Variants in CD200R1 observed in about 807,000 individuals in gnomAD.
CD200R1 encodes cell surface glycoprotein CD200 receptor 1.
CD200R1 carries 30 observed loss-of-function variants against 38.1 expected under a neutral mutation model. The observed-to-expected ratio is 0.79, with a 90% CI of 0.59 to 1.07. The LOEUF (loss-of-function observed/expected upper bound fraction) is 1.07, where lower values mean the gene tolerates loss of function less well. Ranked by LOEUF, CD200R1 falls within the 50% of genes least tolerant of loss-of-function variation. CD200R1 has a pLI of 0.00. For synonymous variants in CD200R1, 128 were observed against 152.1 expected (o/e 0.84, Z 1.16); for missense variants, 372 against 415.4 (o/e 0.90, Z 0.91).
intron 1 of CD200R1, among the ~76,000 whole-genome samples, chr3:112,952,668 G>C (rs1245160212): frequency 6.6e-6 from 1 of 152,086 alleles, no homozygotes; most frequent in East Asian, 1.9e-4. Flanking sequence ...GATAGCATTG[G>C]GAGATATACC....
At chr3:112,950,402 G>GA (rs59937779) in intron 1 of CD200R1, among the ~76,000 whole-genome samples, 11,751 of 83,440 alleles carry the variant, frequency 0.14, 636 homozygotes, top group Middle Eastern at 0.23. Context: ...CTCCGTCAAA[G>GA]AAAAAAAAAA....
In CD200R1 at chr3:112,928,908, G is replaced by A; in HGVS notation, c.677C>T (p.Thr226Ile). The A allele has an allele frequency of 6.2e-7, 1 of 1,613,934 alleles. No individual in the cohort carries two copies. The highest frequency in any genetic ancestry group is 8.5e-7 in the Non-Finnish European group (1 of 1,179,934). Residue 226 changes from threonine to isoleucine, a missense_variant, in exon 5 of 8, where the codon ACA becomes ATA. Physicochemically the swap from Thr to Ile is moderately conservative, Grantham distance 89. Coordinates refer to ENST00000308611, the MANE Select transcript of CD200R1 (RefSeq NM_138806.4). ...CACATTGTGGACCTCCCAGTGGCAT[G>A]TACTCTTAACAGTCACTGTGCCATT... ...WSNGTVTVKS[T>I]CHWEVHNVST...
At chr3:112,965,498 C>CA in intron 1 of CD200R1, among the ~76,000 whole-genome samples, 1 of 152,302 alleles carries the variant, frequency 6.6e-6, no homozygotes, top group East Asian at 1.9e-4. Flanking sequence ...CATGGTGGCT[C>CA]ATGCCTGTAA....
intron 1 of CD200R1, among the ~76,000 whole-genome samples, chr3:112,959,561 T>G (rs1576150458): frequency 1.3e-5 from 2 of 152,130 alleles, no homozygotes; most frequent in South Asian, 4.1e-4. Flanking sequence ...TAAATTTTAA[T>G]GAATTTACTA....
intron 1 of CD200R1, among the ~76,000 whole-genome samples, chr3:112,969,603 A>AG (rs1212390841): frequency 2.0e-5 from 3 of 152,166 alleles, no homozygotes; most frequent in Admixed American, 2.0e-4. Flanking sequence ...GACCCTTTCC[A>AG]GGGGAGCCCA....
intron 2 of CD200R1, 42 bp from the exon 3 acceptor site, chr3:112,931,213 G>C: frequency 7.9e-7 from 1 of 1,261,820 alleles, no homozygotes; most frequent in South Asian, 1.2e-5. Flanking sequence ...TCAATTTTAT[G>C]TACTCAGAGT....
Position 112,974,946 on chromosome 3 carries a change from G to T in CD200R1, c.-89C>A. The T allele has an allele frequency of 9.8e-7, 1 of 1,024,118 alleles. No individual in the cohort carries two copies. The highest frequency in any genetic ancestry group is 1.5e-6 in the Non-Finnish European group (1 of 658,258). 63.4% of individuals were successfully genotyped at this position (1,024,118 alleles called of 1,614,324 possible). A position where few individuals can be genotyped will look rare whatever the true frequency, so the allele number is the denominator to read the frequency against. ...TGTGCGCATGGTGAGACCCTCTCTG[G>T]TCAACTTCTCAGTACAGGATCCTCT... On this transcript the variant is annotated 5_prime_UTR_variant, in exon 1 of 8. Coordinates refer to ENST00000308611, the MANE Select transcript of CD200R1 (RefSeq NM_138806.4).
chr3:112,955,297 G>T (rs116659578), intron 1 of CD200R1, among the ~76,000 whole-genome samples: 1 of 152,090 alleles, frequency 6.6e-6, no homozygotes, highest in Non-Finnish European at 1.5e-5. Context: ...TGAACTTTTC[G>T]CCTGGATGGT....
At chr3:112,969,590 T>A (rs1933252007) in intron 1 of CD200R1, among the ~76,000 whole-genome samples, 1 of 152,184 alleles carries the variant, frequency 6.6e-6, no homozygotes, top group Admixed American at 6.5e-5. Context: ...TAGACCAAAG[T>A]CAGACCCTTT....
chr3:112,952,798 A>G (rs1264491230), intron 1 of CD200R1, among the ~76,000 whole-genome samples: 1 of 152,052 alleles, frequency 6.6e-6, no homozygotes, highest in Non-Finnish European at 1.5e-5. Flanking sequence ...ATAATAATAA[A>G]TAAATAAATA....
Position 112,929,203 on chromosome 3 carries a change from G to A in CD200R1, c.507C>T (p.His169=), listed in dbSNP as rs1347909701. The part of the protein sequence containing the change: ...TPDGNFHRGY[H]LQVLVTPEVT... ...GATGCTCCTTACCTAACACTTGGAG[G>A]TGATATCCACGATGGAAATTCCCAT... Residue 169 remains histidine, a synonymous_variant, in exon 4 of 8, where the codon CAC becomes CAT. Transcript: ENST00000308611. The A allele has an allele frequency of 1.2e-6, 2 of 1,614,182 alleles. No homozygotes were observed. Among genetic ancestry groups the A allele is most frequent in the South Asian group, 1.1e-5 (1 of 91,082 alleles).
intron 3 of CD200R1, among the ~76,000 whole-genome samples, chr3:112,930,680 C>T (rs1940409279): frequency 6.6e-6 from 1 of 152,212 alleles, no homozygotes; most frequent in Non-Finnish European, 1.5e-5. Flanking sequence ...TATAGAGGGG[C>T]AAACCTTTAT....
rs926843639 is a variant in CD200R1, at chr3:112,925,077, G to C, written c.878+8C>G. On this transcript the variant is annotated splice_region_variant and intron_variant, in intron 6 of 7. Coordinates refer to ENST00000308611, the MANE Select transcript of CD200R1 (RefSeq NM_138806.4). ...CTGAAGAAGAAAAAAACATTCATTA[G>C]TCAATACCTGCAGCCATTGACTTTC... The C allele has an allele frequency of 8.0e-6, 12 of 1,495,786 alleles. No individual in the cohort carries two copies. Among genetic ancestry groups the C allele is most frequent in the Non-Finnish European group, 1.1e-5 (12 of 1,074,274 alleles). 92.7% of individuals were successfully genotyped at this position (1,495,786 alleles called of 1,614,324 possible).
At chr3:112,957,745 A>C (rs1000924026) in intron 1 of CD200R1, among the ~76,000 whole-genome samples, 1 of 152,214 alleles carries the variant, frequency 6.6e-6, no homozygotes, top group African/African-American at 2.4e-5. Flanking sequence ...CATATCTAAC[A>C]AAAGACTGCT....
At chr3:112,962,413 C>A (rs1420941844) in intron 1 of CD200R1, among the ~76,000 whole-genome samples, 1 of 152,104 alleles carries the variant, frequency 6.6e-6, no homozygotes, top group Admixed American at 6.5e-5. Flanking sequence ...AAATCTGACA[C>A]AGTTTTGAAA....
chr3:112,924,048 A>G (rs936927088), intron 7 of CD200R1, among the ~76,000 whole-genome samples: 3 of 152,058 alleles, frequency 2.0e-5, no homozygotes, highest in East Asian at 3.9e-4. Flanking sequence ...AGATGAATGA[A>G]GTGATATGAG....
At chr3:112,929,098 G>A (rs1940353855) in intron 4 of CD200R1, 34 bp from the exon 5 acceptor site, 2 of 1,612,604 alleles carry the variant, frequency 1.2e-6, no homozygotes, top group South Asian at 2.2e-5. Flanking sequence ...AAATGCTTCG[G>A]TTTTCACATA....
chr3:112,929,975 C>A (rs143639799), intron 3 of CD200R1, among the ~76,000 whole-genome samples: 145 of 152,066 alleles, frequency 9.5e-4, no homozygotes, highest in African/African-American at 3.3e-3. Context: ...TTGTTTCAGA[C>A]AAACATAAAT....
At chr3:112,945,485 G>T (rs1447951913) in intron 2 of CD200R1, among the ~76,000 whole-genome samples, 23 of 152,148 alleles carry the variant, frequency 1.5e-4, no homozygotes, top group Admixed American at 9.8e-4. Context: ...GTGTTGGAAC[G>T]ACTGGACATC....
Sources: gnomAD v4.1 joint callset for allele counts (sites outside exome capture counted in the v4.1 genomes callset) on GRCh38, gnomAD v4.1.1 for gene constraint, MANE v1.5 for transcripts, NCBI Gene and HGNC (gene_info 2026-07-23, HGNC 2026-07-21) for gene names.